The following ENPEP variants were observed in gnomAD, a reference collection of about 807,000 sequenced individuals.
ENPEP encodes glutamyl aminopeptidase, also known as AP-A.
A neutral mutation model predicts 114.5 loss-of-function variants in ENPEP; 103 were observed. The observed-to-expected ratio is 0.90, with a 90% confidence interval of 0.77 to 1.06. ENPEP has a LOEUF of 1.06. ENPEP is among the 50% of genes least tolerant of loss of function. The probability of loss-of-function intolerance (pLI) is 0.00; values close to 1 mark genes in which losing one functional copy is unlikely to be tolerated. For synonymous variants in ENPEP, 420 were observed against 422.0 expected, an observed-to-expected ratio of 1.00 and a Z score of 0.06; for missense variants, 1,196 against 1,161.3, an observed-to-expected ratio of 1.03 and a Z score of -0.43.
chr4:110,521,883 C>CTT (rs565919584), intron 10 of ENPEP, among the ~76,000 whole-genome samples: 2 of 144,466 alleles, frequency 1.4e-5, no homozygotes, highest in South Asian at 2.2e-4. Flanking sequence ...TATTTTTTGG[C>CTT]TTTTTTTTTT....
intron 7 of ENPEP, among the ~76,000 whole-genome samples, chr4:110,514,635 T>C (rs1175105030): frequency 6.6e-6 from 1 of 152,124 alleles, no homozygotes; most frequent in African/African-American, 2.4e-5. Flanking sequence ...GCCTTTAGCT[T>C]TCTAAATAGG....
Position 110,549,721 on chromosome 4 carries a change from C to T in ENPEP, c.2336C>T (p.Pro779Leu), listed in dbSNP as rs760638185. The T allele has an allele frequency of 9.9e-6, 16 of 1,612,588 alleles. No homozygotes were observed. The East Asian group carries it at 3.6e-4, about 36-fold the overall frequency. Residue 779 changes from proline to leucine, a missense_variant, in exon 17 of 20, where the codon CCC becomes CTC. By Grantham distance (98) the Pro-to-Leu change is moderately conservative. Coordinates refer to ENST00000265162, the MANE Select transcript of ENPEP (RefSeq NM_001977.4). ...EQWLNGTVSL[P>L]VNLRLLVYRY... ...AACACTGTTTCTTCTTCTAGCCTTC[C>T]CGTAAATCTCAGGCTTCTGGTGTAT...
Position 110,541,255 on chromosome 4 carries a change from A to G in ENPEP, c.1808-1496A>G, listed in dbSNP as rs150111027. Among the ~76,000 whole-genome samples, 370 of 152,238 alleles carry G rather than the reference A, an allele frequency of 2.4e-3. 2 individuals carry two copies. Among genetic ancestry groups the G allele is most frequent in the African/African-American group, 8.4e-3 (350 of 41,566 alleles). On this transcript the variant is annotated intron_variant, in intron 11 of 19. Coordinates refer to ENST00000265162, the MANE Select transcript of ENPEP (RefSeq NM_001977.4). ...GGTTACTCATATATTATGAAAAACT[A>G]CTGTGTCCTGGATATCTTCCAGACC...
chr4:110,487,744 A>G (rs1411391385), intron 1 of ENPEP, among the ~76,000 whole-genome samples: 2 of 152,130 alleles, frequency 1.3e-5, no homozygotes. Context: ...GCCAATATAC[A>G]ATATTCTTTT....
At chr4:110,501,244 T>C (rs1007795165) in intron 3 of ENPEP, among the ~76,000 whole-genome samples, 1 of 152,202 alleles carries the variant, frequency 6.6e-6, no homozygotes, top group Non-Finnish European at 1.5e-5. Flanking sequence ...ATAAAATCTA[T>C]GACCTGATTT....
Position 110,515,378 on chromosome 4 carries a change from G to C in ENPEP, c.1445G>C (p.Gly482Ala). ...TTTGTCTTTTTATCCCCATTGTAGG[G>C]ATCTTCTATTTTGAGAATGCTTGAA... ...SVFDGISYSK[G>A]SSILRMLEDW... Residue 482 changes from glycine (G) to alanine (A), a missense_variant and splice_region_variant, in exon 8 of 20, where the codon GGA becomes GCA. Physicochemically the swap from Gly to Ala is moderately conservative, Grantham distance 60 (BLOSUM62 0). Transcript: ENST00000265162. 6.2e-7 allele frequency: 1 copy of C among 1,603,910 alleles called. No individual in the cohort carries two copies. The highest frequency in any genetic ancestry group is 8.5e-7 in the Non-Finnish European group (1 of 1,177,016).
Position 110,502,524 on chromosome 4 carries a change from T to G in ENPEP, c.919-4113T>G, listed in dbSNP as rs1380198526. The stretch of plus-strand genomic sequence containing the variant: ...AGTTATCCCAGCATCATTTATTGAA[T>G]AGAGAGTCTTATCCCTATTGCTTCT... On this transcript the variant is annotated intron_variant, in intron 3 of 19. Coordinates refer to ENST00000265162, the MANE Select transcript of ENPEP (RefSeq NM_001977.4). 2.6e-5 allele frequency among the ~76,000 whole-genome samples: 4 copies of G among 152,226 alleles called. No homozygotes were observed. The South Asian group carries it at 6.2e-4, about 24-fold the overall frequency.
chr4:110,509,619 T>G (rs779332568), intron 4 of ENPEP, 34 bp from the exon 5 acceptor site: 1 of 1,588,462 alleles, frequency 6.3e-7, no homozygotes, highest in Non-Finnish European at 8.5e-7. Flanking sequence ...ATGGAAAGAA[T>G]GTATTTCTCA....
At chr4:110,528,414 A>G (rs1396617501) in intron 10 of ENPEP, among the ~76,000 whole-genome samples, 4 of 152,194 alleles carry the variant, frequency 2.6e-5, no homozygotes, top group African/African-American at 7.2e-5. Flanking sequence ...TTTTTTTCCA[A>G]TCCTAACTTC....
intron 8 of ENPEP, among the ~76,000 whole-genome samples, chr4:110,517,764 G>A (rs10029129): frequency 0.035 from 5,299 of 152,228 alleles, 299 homozygotes; most frequent in African/African-American, 0.11. Context: ...ATAGTGCTAT[G>A]GAATGAATTT....
At chr4:110,488,756 T>G in intron 2 of ENPEP, 74 bp downstream of exon 2, 2 of 1,522,786 alleles carry the variant, frequency 1.3e-6, no homozygotes, top group Non-Finnish European at 1.8e-6. Flanking sequence ...TGATTTTCTG[T>G]GAAAGAGAAC....
At chr4:110,477,557 G>GA (rs1033950238) in intron 1 of ENPEP, among the ~76,000 whole-genome samples, 3 of 151,662 alleles carry the variant, frequency 2.0e-5, no homozygotes, top group Non-Finnish European at 4.4e-5. Context: ...GAGAGACATT[G>GA]AAAAATCACA....
chr4:110,504,244 A>G (rs543086031), intron 3 of ENPEP, among the ~76,000 whole-genome samples: 1 of 152,270 alleles, frequency 6.6e-6, no homozygotes, highest in Admixed American at 6.5e-5. Context: ...GGCCCAAGCC[A>G]AGGGCCTGCC....
At chr4:110,538,908 G>A (rs1456753644) in intron 11 of ENPEP, among the ~76,000 whole-genome samples, 1 of 152,102 alleles carries the variant, frequency 6.6e-6, no homozygotes, top group Non-Finnish European at 1.5e-5. Context: ...GATAAAAAGA[G>A]AGACAGGGGA....
chr4:110,542,611 G>A (rs1008470607), intron 11 of ENPEP, 140 bp from the exon 12 acceptor site: 1 of 737,562 alleles, frequency 1.4e-6, no homozygotes, highest in African/African-American at 1.8e-5. Context: ...TTAGGCTTTG[G>A]GTTTTGGATC....
intron 11 of ENPEP, chr4:110,533,122 T>C: frequency 2.2e-6 from 1 of 451,980 alleles, no homozygotes. Flanking sequence ...GGCAGCTGTT[T>C]GATTTACTGT....
At chr4:110,497,291 T>C (rs1724980780) in intron 3 of ENPEP, among the ~76,000 whole-genome samples, 1 of 152,134 alleles carries the variant, frequency 6.6e-6, no homozygotes, top group Admixed American at 6.5e-5. Flanking sequence ...TTCTAGAACA[T>C]TTTAATTAGT....
At chr4:110,544,374 C>T (rs1015330915) in intron 13 of ENPEP, among the ~76,000 whole-genome samples, 3 of 151,960 alleles carry the variant, frequency 2.0e-5, no homozygotes, top group Non-Finnish European at 2.9e-5. Context: ...AGTGAAGATG[C>T]GTTTAGAAGA....
intron 4 of ENPEP, among the ~76,000 whole-genome samples, chr4:110,508,671 C>A (rs536892906): frequency 1.3e-5 from 2 of 151,940 alleles, no homozygotes; most frequent in Non-Finnish European, 2.9e-5. Context: ...ATTAGCCAGG[C>A]GCGGTGGCGG....
Sources: gnomAD v4.1 joint callset for allele counts (sites outside exome capture counted in the v4.1 genomes callset) on GRCh38, gnomAD v4.1.1 for gene constraint, MANE v1.5 for transcripts, NCBI Gene and HGNC (gene_info 2026-07-23, HGNC 2026-07-21) for gene names.